ACOXL: variants seen among roughly 807,000 people sequenced by gnomAD.
ACOXL encodes the protein acyl-coenzyme A oxidase-like protein.
In ACOXL, 70 loss-of-function variants were observed where a neutral mutation model predicts 71.9. The observed-to-expected ratio is 0.97, with a 90% CI of 0.80 to 1.19. The LOEUF is 1.19. ACOXL is among the 50% of genes most tolerant of loss of function. ACOXL has a pLI of 0.00. For missense variants in ACOXL, 703 were observed against 736.3 expected (o/e 0.95, Z 0.52); for synonymous variants, 253 against 281.6 (o/e 0.90, Z 1.02).
intron 10 of ACOXL, among the ~76,000 whole-genome samples, chr2:110,892,947 A>C (rs1002832260): frequency 3.3e-5 from 5 of 152,214 alleles, no homozygotes; most frequent in Non-Finnish European, 7.3e-5. Flanking sequence ...GCAGTTAACT[A>C]TGTTGGTAGA....
At chr2:110,825,738 A>G (rs1193628573) in intron 9 of ACOXL, among the ~76,000 whole-genome samples, 1 of 152,106 alleles carries the variant, frequency 6.6e-6, no homozygotes, top group African/African-American at 2.4e-5. Flanking sequence ...GGCTGCATCA[A>G]ATGTCCTTGT....
intron 16 of ACOXL, among the ~76,000 whole-genome samples, chr2:111,081,281 C>G (rs1020009656): frequency 6.6e-6 from 1 of 152,232 alleles, no homozygotes; most frequent in African/African-American, 2.4e-5. Context: ...CCCATCGTCT[C>G]AGCCCAGAAT....
chr2:110,834,506 G>C (rs558330034), intron 9 of ACOXL, among the ~76,000 whole-genome samples: 1 of 152,242 alleles, frequency 6.6e-6, no homozygotes, highest in Non-Finnish European at 1.5e-5. Context: ...AGTGAATTCA[G>C]CGGTTCCGGA....
At chr2:111,061,802 G>T (rs2066829480) in intron 16 of ACOXL, among the ~76,000 whole-genome samples, 1 of 151,930 alleles carries the variant, frequency 6.6e-6, no homozygotes. Context: ...TATACAAAAT[G>T]TAATACCTGG....
At chr2:111,003,785 C>A (rs2063754416) in intron 14 of ACOXL, among the ~76,000 whole-genome samples, 1 of 152,004 alleles carries the variant, frequency 6.6e-6, no homozygotes, top group African/African-American at 2.4e-5. Flanking sequence ...ATGGTCAATT[C>A]AAATAAATAT....
At chr2:111,108,203 C>T (rs1288797585) in intron 17 of ACOXL, among the ~76,000 whole-genome samples, 1 of 151,888 alleles carries the variant, frequency 6.6e-6, no homozygotes, top group East Asian at 1.9e-4. Flanking sequence ...GAAAGTTACC[C>T]TTTAAATAAA....
chr2:110,929,702 C>T (rs185142019), intron 11 of ACOXL, among the ~76,000 whole-genome samples: 368 of 152,330 alleles, frequency 2.4e-3, no homozygotes, highest in African/African-American at 8.3e-3. Context: ...GGGCCAGGCC[C>T]AGGGTCTTCC....
chr2:111,076,915 C>T (rs568317058), intron 16 of ACOXL, among the ~76,000 whole-genome samples: 32 of 152,244 alleles, frequency 2.1e-4, no homozygotes, highest in African/African-American at 7.0e-4. Context: ...TCTCTCTCTC[C>T]GTGGTCACAT....
chr2:110,782,703 T>C (rs1683483931), intron 2 of ACOXL, among the ~76,000 whole-genome samples: 1 of 152,246 alleles, frequency 6.6e-6, no homozygotes, highest in Non-Finnish European at 1.5e-5. Flanking sequence ...TGACCGCAGT[T>C]GGACACCATT....
chr2:110,743,756 C>T (rs1428654837), intron 1 of ACOXL, among the ~76,000 whole-genome samples: 1 of 152,194 alleles, frequency 6.6e-6, no homozygotes, highest in Non-Finnish European at 1.5e-5. Flanking sequence ...TTAGAACTCC[C>T]CTCACCTGCC....
rs545935480 is a variant in ACOXL at position 110,838,847 on chromosome 2, C to A, written c.754-2524C>A. On this transcript the variant is annotated intron_variant, in intron 9 of 17. Transcript: ENST00000439055. ...TCCCACATAGCACGGAGGCTTTCCC[C>A]CCTCCCCAGTTGTCGTGTGCCCTTG... is the stretch of plus-strand genomic sequence containing the variant. Among the ~76,000 whole-genome samples the A allele has an allele frequency of 8.1e-4, 124 of 152,328 alleles. 1 individual carries two copies. The highest frequency in any genetic ancestry group is 2.8e-3 in the African/African-American group (117 of 41,578).
At chr2:110,983,282 T>C (rs2062794374) in intron 12 of ACOXL, among the ~76,000 whole-genome samples, 3 of 152,248 alleles carry the variant, frequency 2.0e-5, no homozygotes, top group Admixed American at 1.3e-4. Flanking sequence ...CATAGATGCC[T>C]TGAAAAGTGA....
intron 12 of ACOXL, among the ~76,000 whole-genome samples, chr2:110,958,320 T>C (rs2061578156): frequency 1.3e-5 from 2 of 152,184 alleles, no homozygotes; most frequent in Admixed American, 6.5e-5. Context: ...CGAAGTATCA[T>C]TGGCCACATG....
chr2:110,852,656 G>A (rs927531033), intron 10 of ACOXL, among the ~76,000 whole-genome samples: 1 of 152,202 alleles, frequency 6.6e-6, no homozygotes, highest in Non-Finnish European at 1.5e-5. Flanking sequence ...TGGGCCTGTA[G>A]GGGTGCTGGG....
At chr2:110,837,412 T>A (rs1247692426) in intron 9 of ACOXL, among the ~76,000 whole-genome samples, 1 of 152,202 alleles carries the variant, frequency 6.6e-6, no homozygotes, top group African/African-American at 2.4e-5. Context: ...TCTAAGATAG[T>A]GTAAACCATT....
chr2:110,751,282 G>T (rs2104802456), intron 1 of ACOXL, among the ~76,000 whole-genome samples: 1 of 134,592 alleles, frequency 7.4e-6, no homozygotes, highest in East Asian at 2.2e-4. Flanking sequence ...GCCTGGGCGA[G>T]AGCGAGACTC....
In ACOXL at chr2:110,933,504, C is replaced by G. The variant is rs778400560; in HGVS notation, c.921C>G (p.Leu307=). 1.9e-6 allele frequency: 3 copies of G among 1,613,948 alleles called. No individual in the cohort carries two copies. The highest frequency in any genetic ancestry group is 2.2e-5 in the South Asian group (2 of 91,064). The part of the protein sequence containing the change: ...LTFVSRYAGA[L]LDEDVFQGKE... ...TGTCCTGCAGGTATGCTGGGGCCCT[C>G]CTGGATGAGGATGTCTTCCAGGGAA... The change falls in exon 12 of 18, where the codon CTC becomes CTG. Residue 307 remains leucine, a synonymous_variant. Coordinates refer to ENST00000439055, the MANE Select transcript of ACOXL (RefSeq NM_001142807.4).
At chr2:111,021,798 A>T (rs2064772735) in intron 14 of ACOXL, among the ~76,000 whole-genome samples, 1 of 152,178 alleles carries the variant, frequency 6.6e-6, no homozygotes, top group Admixed American at 6.5e-5. Flanking sequence ...AGAGAACACC[A>T]CAAGGAAAAA....
At chr2:110,945,598 C>T (rs1041691643) in intron 12 of ACOXL, among the ~76,000 whole-genome samples, 1 of 152,086 alleles carries the variant, frequency 6.6e-6, no homozygotes, top group Non-Finnish European at 1.5e-5. Context: ...ATCGAATAGA[C>T]AGTCTTTTCC....
Sources: gnomAD v4.1 joint callset for allele counts (sites outside exome capture counted in the v4.1 genomes callset) on GRCh38, gnomAD v4.1.1 for gene constraint, MANE v1.5 for transcripts, NCBI Gene and HGNC (gene_info 2026-07-23, HGNC 2026-07-21) for gene names.